CABIN1: variants seen among roughly 807,000 people sequenced by gnomAD.
CABIN1 encodes calcineurin-binding protein cabin-1.
Under a neutral mutation model 227.7 loss-of-function variants are expected in CABIN1, and 133 were observed. The ratio of observed to expected loss-of-function variants is 0.58; its 90% CI spans 0.51 to 0.67. CABIN1 has a LOEUF of 0.67. Among genes scored for constraint, CABIN1 ranks in the 30% least tolerant of loss-of-function variants. The pLI is 0.00. For missense variants in CABIN1, 2,408 were observed against 2,852.5 expected (o/e 0.84, Z 3.55); for synonymous variants, 1,086 against 1,155.1 (o/e 0.94, Z 1.21).
At chr22:24,156,769 TG>T (rs1248718796) in intron 29 of CABIN1, among the ~76,000 whole-genome samples, 3 of 150,730 alleles carry the variant, frequency 2.0e-5, no homozygotes, top group Admixed American at 1.3e-4. Flanking sequence ...TTGCATGGGA[TG>T]GGGGGTGGGC....
chr22:24,044,391 G>T (rs947963744), intron 6 of CABIN1, among the ~76,000 whole-genome samples: 7 of 151,666 alleles, frequency 4.6e-5, no homozygotes, highest in Non-Finnish European at 8.8e-5. Flanking sequence ...CACCTTTCTG[G>T]CTTCTGAGAT....
At chr22:24,083,156 T>TG (rs1046046400) in intron 19 of CABIN1, 72 bp from the exon 20 acceptor site, 1 of 1,517,460 alleles carries the variant, frequency 6.6e-7, no homozygotes, top group Non-Finnish European at 9.1e-7. Flanking sequence ...GTGGTTTCTC[T>TG]GGGGCCCTGC....
intron 3 of CABIN1, among the ~76,000 whole-genome samples, chr22:24,036,606 C>G (rs1449925276): frequency 6.6e-6 from 1 of 152,160 alleles, no homozygotes; most frequent in Non-Finnish European, 1.5e-5. Flanking sequence ...CCAGGTCCAA[C>G]CTCAACTCCC....
intron 34 of CABIN1, among the ~76,000 whole-genome samples, chr22:24,174,778 C>T (rs918840834): frequency 2.0e-5 from 3 of 152,066 alleles, no homozygotes; most frequent in African/African-American, 4.8e-5. Flanking sequence ...TGAGTGTCCC[C>T]GGATCATGGT....
At chr22:24,056,446 C>T in intron 10 of CABIN1, 86 bp downstream of exon 10, 1 of 1,330,064 alleles carries the variant, frequency 7.5e-7, no homozygotes. Flanking sequence ...TCCATTGCCA[C>T]CCTCTTCTCT....
At position 24,178,161 on chromosome 22, in the gene CABIN1, GAGAC is replaced by G; in HGVS notation, c.6633_6636del (p.Asp2212ArgfsTer102). 1 of 1,613,542 alleles carries G rather than the reference GAGAC, an allele frequency of 6.2e-7. No individual in the cohort carries two copies. The highest frequency in any genetic ancestry group is 2.2e-5 in the East Asian group (1 of 44,870). The stretch of plus-strand genomic sequence containing the variant: ...CAGCCAGGAGTCCTCGCTGGAGAGC[GAGAC>G]AGACGAGGACGACGACTACATGGAC... On this transcript the variant is annotated frameshift_variant, in exon 37 of 37. Coordinates refer to ENST00000263119, the MANE Select transcript of CABIN1 (RefSeq NM_012295.4). LOFTEE classifies it high-confidence loss of function.
intron 29 of CABIN1, among the ~76,000 whole-genome samples, chr22:24,144,231 T>C (rs2044966716): frequency 6.6e-6 from 1 of 152,212 alleles, no homozygotes; most frequent in Non-Finnish European, 1.5e-5. Context: ...ATCTAAGCTC[T>C]CTGTTCCAGC....
At chr22:24,029,074 A>G (rs535099207) in intron 1 of CABIN1, among the ~76,000 whole-genome samples, 3 of 152,322 alleles carry the variant, frequency 2.0e-5, no homozygotes, top group African/African-American at 7.2e-5. Context: ...TAAAAACTCA[A>G]GGCCAGGTAC....
intron 1 of CABIN1, among the ~76,000 whole-genome samples, chr22:24,017,389 C>T (rs1236366658): frequency 6.6e-6 from 1 of 152,172 alleles, no homozygotes; most frequent in Admixed American, 6.5e-5. Context: ...CCATTAAATA[C>T]ATCCACATTG....
At chr22:24,063,362 C>G (rs1219120461) in intron 14 of CABIN1, among the ~76,000 whole-genome samples, 1 of 152,144 alleles carries the variant, frequency 6.6e-6, no homozygotes, top group African/African-American at 2.4e-5. Flanking sequence ...AAGCATGATA[C>G]CAATCTGTAA....
intron 1 of CABIN1, among the ~76,000 whole-genome samples, chr22:24,030,513 T>A (rs1238920108): frequency 6.6e-6 from 1 of 152,234 alleles, no homozygotes; most frequent in Non-Finnish European, 1.5e-5. Flanking sequence ...TGCTGCTGTT[T>A]TTAGATTATG....
chr22:24,044,437 C>G (rs539524041), intron 6 of CABIN1, among the ~76,000 whole-genome samples: 4 of 152,164 alleles, frequency 2.6e-5, no homozygotes, highest in Non-Finnish European at 4.4e-5. Flanking sequence ...CCACACTGAT[C>G]TTATAAGAAA....
At chr22:24,170,430 C>T (rs929812773) in intron 33 of CABIN1, among the ~76,000 whole-genome samples, 2 of 152,220 alleles carry the variant, frequency 1.3e-5, no homozygotes, top group South Asian at 2.1e-4. Context: ...GAGGCCCGCT[C>T]CTGAGCGAGC....
chr22:24,039,101 C>T (rs2037150917), intron 4 of CABIN1, among the ~76,000 whole-genome samples: 1 of 152,140 alleles, frequency 6.6e-6, no homozygotes, highest in South Asian at 2.1e-4. Flanking sequence ...GAATTGGTCC[C>T]AACCTGAAAT....
chr22:24,016,839 T>C (rs1329182129), intron 1 of CABIN1, among the ~76,000 whole-genome samples: 4 of 152,138 alleles, frequency 2.6e-5, no homozygotes, highest in Non-Finnish European at 5.9e-5. Flanking sequence ...TGAGAAATAG[T>C]GTCTAGTGTT....
chr22:24,134,753 C>G (rs952036581), intron 29 of CABIN1, among the ~76,000 whole-genome samples: 4 of 152,186 alleles, frequency 2.6e-5, no homozygotes, highest in Non-Finnish European at 5.9e-5. Context: ...CTCCTGTGGT[C>G]TCAAGCACGT....
At position 24,164,503 on chromosome 22, in the gene CABIN1, G is replaced by C; in HGVS notation, c.4850G>C (p.Arg1617Pro). 1 of 1,606,208 alleles carries C rather than the reference G, an allele frequency of 6.2e-7. No homozygotes were observed. Among genetic ancestry groups the C allele is most frequent in the Non-Finnish European group, 8.5e-7 (1 of 1,179,956 alleles). Reference protein sequence around the residue: ...VLLLKVLAQLRDHSTLLKVSS... With the variant: ...VLLLKVLAQLPDHSTLLKVSS... ...CTGCTCAAGGTGCTGGCCCAGCTGC[G>C]GGACCACAGCACCCTGCTGAAGGTG... Residue 1617 changes from arginine to proline, a missense_variant, in exon 30 of 37, where the codon CGG (arginine) becomes CCG (proline). Arg to Pro is a moderately radical substitution (Grantham distance 103). This residue lies in a region of CABIN1 where 649 missense variants were observed against 910.3 expected (regional missense o/e 0.71). Transcript: ENST00000263119.
intron 1 of CABIN1, among the ~76,000 whole-genome samples, chr22:24,020,824 C>T (rs188619608): frequency 6.9e-6 from 1 of 144,428 alleles, no homozygotes; most frequent in African/African-American, 2.7e-5. Context: ...TTCTTTGTGA[C>T]ATGAGCAGTT....
chr22:24,166,716 T>G lies in CABIN1; in HGVS notation c.5085T>G (p.Ser1695Arg). The change falls in exon 32 of 37, where the codon AGT becomes AGG. Residue 1695 changes from serine to arginine, a missense_variant. Physicochemically the swap from Ser to Arg is moderately radical, Grantham distance 110. Around this residue, in one of 3 missense-constraint regions of CABIN1, gnomAD observed 714 missense variants for 773.8 expected, o/e 0.92. Coordinates refer to ENST00000263119, the MANE Select transcript of CABIN1 (RefSeq NM_012295.4). ...RMTTDVSHKA[S>R]PEDGQEGLPQ... ...CCACCGATGTCTCACACAAGGCCAGTCCTGAGGATGGCCAGGAGGGCCTCC... is the reference window on the plus strand; with the variant it reads ...CCACCGATGTCTCACACAAGGCCAGGCCTGAGGATGGCCAGGAGGGCCTCC... The G allele has an allele frequency of 6.2e-7, 1 of 1,612,784 alleles. No homozygotes were observed. The highest frequency in any genetic ancestry group is 8.5e-7 in the Non-Finnish European group (1 of 1,179,974).
Sources: gnomAD v4.1 joint callset for allele counts (sites outside exome capture counted in the v4.1 genomes callset) on GRCh38, gnomAD v4.1.1 for gene constraint, gnomAD v4.1.1 regional missense constraint, MANE v1.5 for transcripts, NCBI Gene and HGNC (gene_info 2026-07-23, HGNC 2026-07-21) for gene names.